Variants in MAPK7 observed in about 807,000 individuals in gnomAD.
MAPK7 encodes the protein mitogen-activated protein kinase 7.
Under a neutral mutation model 56.9 loss-of-function variants are expected in MAPK7, and 30 were observed. The observed-to-expected ratio is 0.53, with a 90% confidence interval of 0.39 to 0.72. The LOEUF (loss-of-function observed/expected upper bound fraction) is 0.72, where lower values mean the gene tolerates loss of function less well. Among genes scored for constraint, MAPK7 ranks in the 30% least tolerant of loss-of-function variants. The pLI is 0.00. For missense variants in MAPK7, 952 were observed against 1,110.8 expected (o/e 0.86, Z 2.03); for synonymous variants, 516 against 449.3 (o/e 1.15, Z -1.88).
Position 19,383,345 on chromosome 17 carries a change from GCAGGTTCATCT to G in MAPK7, c.*118_*128del. ...GGTGAGGCTCGGCTTGGATTATTCT[GCAGGTTCATCT>G]CAGACCCACCTTTCAGCCTTAAGCA... On this transcript the variant is annotated 3_prime_UTR_variant, in exon 7 of 7. Transcript: ENST00000395604. 1 of 1,229,792 alleles carries G rather than the reference GCAGGTTCATCT, an allele frequency of 8.1e-7. No homozygotes were observed. Among genetic ancestry groups the G allele is most frequent in the Non-Finnish European group, 1.1e-6 (1 of 892,340 alleles). The allele number at this position is 1,229,792 out of a possible 1,614,324, so 76.2% of individuals were successfully genotyped here.
Position 19,383,407 on chromosome 17 carries a change from G to T in MAPK7, c.*176G>T. 1.7e-6 allele frequency: 1 copy of T among 572,460 alleles called. No homozygotes were observed. Among genetic ancestry groups the T allele is most frequent in the Non-Finnish European group, 3.0e-6 (1 of 333,600 alleles). 35.5% of individuals were successfully genotyped at this position (572,460 alleles called of 1,614,324 possible). On this transcript the variant is annotated 3_prime_UTR_variant, in exon 7 of 7. Transcript: ENST00000395604. Reference sequence around the variant, plus strand: ...GCCACCTGAGCCACCACCGAGCCATGGCAGGATCGGGAGACCCCAACTCCC... The same window carrying T: ...GCCACCTGAGCCACCACCGAGCCATTGCAGGATCGGGAGACCCCAACTCCC...
In MAPK7 at chr17:19,382,140, C is replaced by G; in HGVS notation, c.1837C>G (p.Pro613Ala). The G allele has an allele frequency of 6.2e-6, 10 of 1,612,548 alleles. No homozygotes were observed. The highest frequency in any genetic ancestry group is 8.5e-6 in the Non-Finnish European group (10 of 1,179,740). The change falls in exon 5 of 7, where the codon CCC (proline) becomes GCC (alanine). Residue 613 changes from proline (P) to alanine (A), a missense_variant. Physicochemically the swap from Pro to Ala is conservative, Grantham distance 27. Around this residue, in one of 5 missense-constraint regions of MAPK7, gnomAD observed 234 missense variants for 210.4 expected, o/e 1.11. Transcript: ENST00000395604. ...TCCTCCTCCTGGCCCTGTAGCCCAG[C>G]CCACTGGCCCGCAACCACAATCTGC... ...TSPPPGPVAQ[P>A]TGPQPQSAGS...
chr17:19,378,751 A>C lies in MAPK7; in HGVS notation c.-6+121A>C. ...GGCTCTGGGCCCGGACCCCTGGGGTAGCTAGTCTGCCACGAACCAGCCGCG... is the reference window on the plus strand; with the variant it reads ...GGCTCTGGGCCCGGACCCCTGGGGTCGCTAGTCTGCCACGAACCAGCCGCG... On this transcript the variant is annotated intron_variant, in intron 1 of 6. Transcript: ENST00000395604. This position sits in a 1 kb window ranked among gnomAD's most constrained non-coding sequence, Gnocchi z 5.4. 1 of 1,277,852 alleles carries C rather than the reference A, an allele frequency of 7.8e-7. No homozygotes were observed. Among genetic ancestry groups the C allele is most frequent in the Non-Finnish European group, 1.0e-6 (1 of 967,864 alleles). The allele number at this position is 1,277,852 out of a possible 1,614,324, so 79.2% of individuals were successfully genotyped here. A position where few individuals can be genotyped will look rare whatever the true frequency, so the allele number is the denominator to read the frequency against.
intron 2 of MAPK7, 95 bp downstream of exon 2, chr17:19,379,227 C>G: frequency 9.1e-7 from 1 of 1,104,968 alleles, no homozygotes; most frequent in South Asian, 1.4e-5. Context: ...AAGCGGGGTG[C>G]GAGTTCTGGC....
chr17:19,379,753 C>G, intron 2 of MAPK7, 29 bp from the exon 3 acceptor site: 1 of 1,609,172 alleles, frequency 6.2e-7, no homozygotes, highest in Non-Finnish European at 8.5e-7. Flanking sequence ...AAGGTATCCT[C>G]TGGTATGTCC....
chr17:19,379,741 C>G, intron 2 of MAPK7, 41 bp from the exon 3 acceptor site: 1 of 1,596,426 alleles, frequency 6.3e-7, no homozygotes. Flanking sequence ...TGCAGTTTCT[C>G]CAAGGTATCC....
chr17:19,377,879 A>C (rs1200915166), upstream of MAPK7: 5 of 985,280 alleles, frequency 5.1e-6, no homozygotes, highest in Non-Finnish European at 6.0e-6. Flanking sequence ...GGAAACCGCG[A>C]GCTGCAGTCC....
intron 5 of MAPK7, 147 bp from the exon 6 acceptor site, chr17:19,382,666 G>A (rs772674502): frequency 2.9e-6 from 4 of 1,401,524 alleles, no homozygotes; most frequent in Non-Finnish European, 9.6e-7. Context: ...AAAGTGCCTA[G>A]CCCAGAGATG....
chr17:19,380,510 G>C (rs1912556084), intron 3 of MAPK7, 98 bp from the exon 4 acceptor site: 2 of 1,498,142 alleles, frequency 1.3e-6, no homozygotes. Context: ...GGGTAAGGCT[G>C]TTACCTGTCT....
chr17:19,381,705 G>A lies in MAPK7; in HGVS notation c.1477+19G>A, dbSNP rs767614208. 8 of 1,559,752 alleles carry A rather than the reference G, an allele frequency of 5.1e-6. No individual in the cohort carries two copies. Among genetic ancestry groups the A allele is most frequent in the South Asian group, 2.5e-5 (2 of 81,258 alleles). On this transcript the variant is annotated intron_variant, in intron 4 of 6. Transcript: ENST00000395604. The surrounding 1 kb of genome is among the most constrained non-coding windows in gnomAD (Gnocchi z 4.6). ...CTCAGAGGTGCCTTGTGGGCAGGTCGGGTGGGCAGAGGGGAGACTTGGACT... is the reference window on the plus strand; with the variant it reads ...CTCAGAGGTGCCTTGTGGGCAGGTCAGGTGGGCAGAGGGGAGACTTGGACT...
At chr17:19,382,696 G>C (rs1238098677) in intron 5 of MAPK7, 117 bp from the exon 6 acceptor site, 23 of 1,460,996 alleles carry the variant, frequency 1.6e-5, no homozygotes, top group East Asian at 2.3e-5. Flanking sequence ...AGCACTCACT[G>C]ACTGCCGAGA....
At chr17:19,380,209 A>T in intron 3 of MAPK7, 1 of 535,206 alleles carries the variant, frequency 1.9e-6, no homozygotes. Context: ...ACACCCTCCT[A>T]TTCCCATAGC....
chr17:19,379,282 C>T (rs925550501), intron 2 of MAPK7, 150 bp downstream of exon 2: 2 of 696,988 alleles, frequency 2.9e-6, no homozygotes, highest in Admixed American at 2.9e-5. Context: ...TGCCAGGCTC[C>T]GGGGAGGCTC....
upstream of MAPK7, chr17:19,377,922 A>C: frequency 1.0e-6 from 1 of 985,394 alleles, no homozygotes; most frequent in Non-Finnish European, 1.2e-6. Context: ...AGGCTCAGCC[A>C]CCGGAAGTCA....
In MAPK7 at chr17:19,382,242, G is replaced by A. The variant is rs779283737; in HGVS notation, c.1939G>A (p.Gly647Arg). The change falls in exon 5 of 7, where the codon GGG (glycine) becomes AGG (arginine). Residue 647 changes from glycine to arginine, a missense_variant. By Grantham distance (125) the Gly-to-Arg change is moderately radical. This residue lies in a region of MAPK7 where 234 missense variants were observed against 210.4 expected (regional missense o/e 1.11). Transcript: ENST00000395604. ...GPAPHPTGPPGPIPVPAPPQI... is the reference protein window; with the variant it reads ...GPAPHPTGPPRPIPVPAPPQI... ...TGCACCCCACCCCACTGGCCCTCCTGGGCCCATCCCTGTCCCCGCGCCACC... is the reference window on the plus strand; with the variant it reads ...TGCACCCCACCCCACTGGCCCTCCTAGGCCCATCCCTGTCCCCGCGCCACC... 6.3e-6 allele frequency: 10 copies of A among 1,590,808 alleles called. No homozygotes were observed. The highest frequency in any genetic ancestry group is 5.1e-6 in the Non-Finnish European group (6 of 1,171,886).
chr17:19,381,795 C>A lies in MAPK7; in HGVS notation c.1492C>A (p.Pro498Thr). Residue 498 changes from proline (P) to threonine (T), a missense_variant, in exon 5 of 7, where the codon CCC (proline) becomes ACC (threonine). Pro to Thr is a conservative substitution (Grantham distance 38). Transcript: ENST00000395604. The surrounding 1 kb of genome is among the most constrained non-coding windows in gnomAD (Gnocchi z 4.6). ...CTTCCCCGCAGATGGCCCCAGCGCA[C>A]CCCTGGAGGCTCCTGAGCCTCGGAA... Reference protein sequence around the residue: ...RSRLRDGPSAPLEAPEPRKPV... With the variant: ...RSRLRDGPSATLEAPEPRKPV... 6.4e-7 allele frequency: 1 copy of A among 1,556,576 alleles called. No homozygotes were observed. Among genetic ancestry groups the A allele is most frequent in the Non-Finnish European group, 8.7e-7 (1 of 1,153,900 alleles).
Position 19,378,957 on chromosome 17 carries a change from G to T in MAPK7, c.57G>T (p.Gly19=), listed in dbSNP as rs1912363209. 6.2e-7 allele frequency: 1 copy of T among 1,601,802 alleles called. No homozygotes were observed. The highest frequency in any genetic ancestry group is 8.5e-7 in the Non-Finnish European group (1 of 1,174,190). The stretch of plus-strand genomic sequence containing the variant: ...AGGACGGCTCTGCGGAGCCCCCCGG[G>T]CCCGTGAAGGCCGAACCCGCCCACA... ...DGEDGSAEPP[G]PVKAEPAHTA... Residue 19 remains glycine (G), a synonymous_variant, in exon 2 of 7, where the codon GGG becomes GGT. Transcript: ENST00000395604. This position sits in a 1 kb window ranked among gnomAD's most constrained non-coding sequence, Gnocchi z 5.4.
chr17:19,381,202 G>A lies in MAPK7; in HGVS notation c.993G>A (p.Glu331=), dbSNP rs772596420. The A allele has an allele frequency of 9.3e-5, 150 of 1,614,008 alleles. No homozygotes were observed. Among genetic ancestry groups the A allele is most frequent in the Non-Finnish European group, 1.0e-4 (123 of 1,180,044 alleles). Residue 331 remains glutamate (E), a synonymous_variant, in exon 4 of 7, where the codon GAG becomes GAA. Coordinates refer to ENST00000395604, the MANE Select transcript of MAPK7 (RefSeq NM_002749.4). The surrounding 1 kb of genome is among the most constrained non-coding windows in gnomAD (Gnocchi z 4.6). ...LSLLGRMLRF[E]PSARISAAAA... ...TGCTGGGTCGCATGCTGCGTTTTGAGCCCAGCGCTCGCATCTCAGCAGCTG... is the reference window on the plus strand; with the variant it reads ...TGCTGGGTCGCATGCTGCGTTTTGAACCCAGCGCTCGCATCTCAGCAGCTG...
At chr17:19,379,182 T>C in intron 2 of MAPK7, 50 bp downstream of exon 2, 4 of 1,534,750 alleles carry the variant, frequency 2.6e-6, no homozygotes, top group Non-Finnish European at 2.7e-6. Flanking sequence ...TCGCAGGGAG[T>C]GGGAAACCGG....
Sources: allele counts gnomAD v4.1 joint callset, GRCh38; gene constraint gnomAD v4.1.1; regional missense constraint gnomAD v4.1.1; non-coding constraint Gnocchi (gnomAD v3.1); transcripts MANE v1.5; gene names NCBI Gene and HGNC (gene_info 2026-07-23, HGNC 2026-07-21).